Variants in MAPK6 observed in about 807,000 individuals in gnomAD.
MAPK6 encodes the protein mitogen-activated protein kinase 6, also known as ERK-3.
In MAPK6, 19 loss-of-function variants were observed where a neutral mutation model predicts 59.3. That is an observed-to-expected ratio of 0.32 (90% CI 0.22 to 0.47). The LOEUF (loss-of-function observed/expected upper bound fraction) is 0.47, where lower values mean the gene tolerates loss of function less well. Ranked by LOEUF, MAPK6 falls within the 20% of genes least tolerant of loss-of-function variation. MAPK6 has a pLI of 1.00. For synonymous variants in MAPK6, 316 were observed against 290.3 expected (o/e 1.09, Z -0.90); for missense variants, 724 against 847.9 (o/e 0.85, Z 1.81).
At chr15:51,991,787 G>A (rs1489671168) in intron 2 of MAPK6, among the ~76,000 whole-genome samples, 5 of 152,284 alleles carry the variant, frequency 3.3e-5, no homozygotes, top group East Asian at 1.9e-4. Context: ...TGGGAGGATG[G>A]GCCAGGTAGA....
At chr15:52,012,539 A>C (rs1217474188) in intron 3 of MAPK6, among the ~76,000 whole-genome samples, 1 of 152,204 alleles carries the variant, frequency 6.6e-6, no homozygotes, top group Non-Finnish European at 1.5e-5. Context: ...TTTCTGAACA[A>C]AGATATTGTA....
In MAPK6 at chr15:51,971,945, CTG is replaced by C. The variant is rs1595952492; in HGVS notation, c.-880+41_-880+42del. 10 of 599,608 alleles carry C rather than the reference CTG, an allele frequency of 1.7e-5. No individual in the cohort carries two copies. In the East Asian group the frequency reaches 2.6e-4, roughly 16 times the overall value. 37.1% of individuals were successfully genotyped at this position (599,608 alleles called of 1,614,324 possible). A position where few individuals can be genotyped will look rare whatever the true frequency, so the allele number is the denominator to read the frequency against. On this transcript the variant is annotated intron_variant, in intron 1 of 7. Transcript: ENST00000691380. ...ATAAGCCCGGCCATTTCGTCAATAT[CTG>C]TTATTTGCCAGGATTCTTACCAGGG...
chr15:51,984,516 G>C (rs2554340), intron 2 of MAPK6, among the ~76,000 whole-genome samples: 12,846 of 141,496 alleles, frequency 0.091, 1,629 homozygotes, highest in African/African-American at 0.28. Context: ...TGTTAGCCAG[G>C]ATGGTCTTGA....
Position 52,064,922 on chromosome 15 carries a change from A to ATTAACACCTTCTGCTATGAAAT in MAPK6, c.2089_2110dup (p.Ser704PhefsTer48), listed in dbSNP as rs2032353966. On this transcript the variant is annotated frameshift_variant, in exon 6 of 6. Coordinates refer to ENST00000261845, the MANE Select transcript of MAPK6 (RefSeq NM_002748.4). LOFTEE classifies it high-confidence loss of function. The stretch of plus-strand genomic sequence containing the variant: ...CACCACTTAAGTCAATACAGGCCAC[A>ATTAACACCTTCTGCTATGAAAT]TTAACACCTTCTGCTATGAAATCTT... The ATTAACACCTTCTGCTATGAAAT allele has an allele frequency of 6.2e-7, 1 of 1,611,812 alleles. No homozygotes were observed. Among genetic ancestry groups the ATTAACACCTTCTGCTATGAAAT allele is most frequent in the Non-Finnish European group, 8.5e-7 (1 of 1,179,800 alleles).
chr15:52,040,139 T>G (rs541270139), intron 1 of MAPK6, among the ~76,000 whole-genome samples: 17 of 152,348 alleles, frequency 1.1e-4, no homozygotes, highest in Admixed American at 5.2e-4. Context: ...CCCGAAAATC[T>G]TAGTAGCTTT....
At chr15:52,058,022 G>A (rs1222696152) in intron 3 of MAPK6, among the ~76,000 whole-genome samples, 1 of 152,194 alleles carries the variant, frequency 6.6e-6, no homozygotes, top group Non-Finnish European at 1.5e-5. Context: ...AGACATTAAA[G>A]GAAAGGCAAG....
At chr15:52,054,759 TAC>T (rs1337025819) in intron 3 of MAPK6, among the ~76,000 whole-genome samples, 1 of 149,772 alleles carries the variant, frequency 6.7e-6, no homozygotes, top group African/African-American at 2.5e-5. Flanking sequence ...CATATACACA[TAC>T]ATAGATACAC....
At chr15:52,059,763 T>G (rs561025834) in intron 4 of MAPK6, among the ~76,000 whole-genome samples, 3 of 152,204 alleles carry the variant, frequency 2.0e-5, no homozygotes, top group Non-Finnish European at 4.4e-5. Flanking sequence ...GGTGGTCACA[T>G]GTGGCAGCAC....
chr15:51,985,599 G>A (rs2057188423), intron 2 of MAPK6, among the ~76,000 whole-genome samples: 2 of 151,966 alleles, frequency 1.3e-5, no homozygotes, highest in East Asian at 1.9e-4. Context: ...AGGTTGCAGT[G>A]AGCTGAGATT....
rs182123684 is a variant in MAPK6 at position 52,019,364 on chromosome 15, T to A, written c.-644T>A. Reference sequence around the variant, plus strand: ...GCGAGCCCCGCACTCTCTCGATGAGTCGGAGAAGTCCCGTGAGTGTGTGTG... The same window carrying A: ...GCGAGCCCCGCACTCTCTCGATGAGACGGAGAAGTCCCGTGAGTGTGTGTG... On this transcript the variant is annotated 5_prime_UTR_variant, in exon 1 of 6. Coordinates refer to ENST00000261845, the MANE Select transcript of MAPK6 (RefSeq NM_002748.4). The A allele has an allele frequency of 8.8e-3, 1,341 of 151,940 alleles. 24 individuals carry two copies. The highest frequency in any genetic ancestry group is 8.6e-3 in the Non-Finnish European group (586 of 67,746). 9.4% of individuals were successfully genotyped at this position (151,940 alleles called of 1,614,324 possible). A position where few individuals can be genotyped will look rare whatever the true frequency, so the allele number is the denominator to read the frequency against.
chr15:51,977,404 C>G (rs892409049), intron 1 of MAPK6, among the ~76,000 whole-genome samples: 3 of 151,842 alleles, frequency 2.0e-5, no homozygotes, highest in African/African-American at 7.2e-5. Context: ...TGCAACTACC[C>G]TGAGGCTCCA....
At position 52,067,300 on chromosome 15, in the gene MAPK6, T is replaced by C. The variant is rs1224583478; in HGVS notation, c.*2300T>C. 6.6e-6 allele frequency: 1 copy of C among 152,204 alleles called. No individual in the cohort carries two copies. The highest frequency in any genetic ancestry group is 1.9e-4 in the East Asian group (1 of 5,194). The allele number at this position is 152,204 out of a possible 1,614,324, so 9.4% of individuals were successfully genotyped here. ...AAACTGAAACCCCTTATATAAAATA[T>C]GCTTGCTTTAGGGTGACCCAGGCTG... is the stretch of plus-strand genomic sequence containing the variant. On this transcript the variant is annotated 3_prime_UTR_variant, in exon 6 of 6. Transcript: ENST00000261845.
Position 52,064,843 on chromosome 15 carries a change from T to G in MAPK6, c.2009T>G (p.Phe670Cys). 6.2e-7 allele frequency: 1 copy of G among 1,611,966 alleles called. No individual in the cohort carries two copies. Among genetic ancestry groups the G allele is most frequent in the Non-Finnish European group, 8.5e-7 (1 of 1,179,830 alleles). ...CTGAACAACAGTGGGGAGTTCCTCT[T>G]TAACAAGCAGCTCGAGTCCATAGGC... Reference protein sequence around the residue: ...GFLNNSGEFLFNKQLESIGIP... With the variant: ...GFLNNSGEFLCNKQLESIGIP... The change falls in exon 6 of 6, where the codon TTT becomes TGT. Residue 670 changes from phenylalanine to cysteine, a missense_variant. Phe to Cys is a radical substitution (Grantham distance 205, BLOSUM62 -2). This residue lies in a region of MAPK6 where 502 missense variants were observed against 507.6 expected (regional missense o/e 0.99). Transcript: ENST00000261845.
In MAPK6 at chr15:52,061,352, G is replaced by T; in HGVS notation, c.919G>T (p.Ala307Ser). 6.2e-7 allele frequency: 1 copy of T among 1,614,116 alleles called. No individual in the cohort carries two copies. Among genetic ancestry groups the T allele is most frequent in the East Asian group, 2.2e-5 (1 of 44,876 alleles). ...ATTTAGCCCCATGGATCGGTTAACA[G>T]CAGAAGAAGCACTCTCCCATCCTTA... ...LTFSPMDRLT[A>S]EEALSHPYMS... The change falls in exon 5 of 6, where the codon GCA becomes TCA. Residue 307 changes from alanine (A) to serine (S), a missense_variant. Physicochemically the swap from Ala to Ser is moderately conservative, Grantham distance 99. This residue lies in a region of MAPK6 where 502 missense variants were observed against 507.6 expected (regional missense o/e 0.99). Transcript: ENST00000261845.
At chr15:52,048,544 G>A (rs2031668824) in intron 2 of MAPK6, among the ~76,000 whole-genome samples, 1 of 152,156 alleles carries the variant, frequency 6.6e-6, no homozygotes, top group African/African-American at 2.4e-5. Context: ...GGAGGTGGAG[G>A]TTGCAAAGAG....
intron 1 of MAPK6, among the ~76,000 whole-genome samples, chr15:52,029,063 G>A (rs900106128): frequency 3.9e-5 from 6 of 152,160 alleles, no homozygotes; most frequent in African/African-American, 7.2e-5. Flanking sequence ...TTTCTGAGAC[G>A]GAGTCTCGCT....
At chr15:51,974,067 ATTTC>A (rs2057149833) in intron 1 of MAPK6, among the ~76,000 whole-genome samples, 1 of 152,012 alleles carries the variant, frequency 6.6e-6, no homozygotes, top group East Asian at 1.9e-4. Context: ...ATTTTGCAGT[ATTTC>A]TTACCTGAGG....
intron 1 of MAPK6, chr15:52,027,559 A>G (rs1002628155): frequency 2.0e-5 from 3 of 147,286 alleles, no homozygotes; most frequent in East Asian, 2.0e-4. Flanking sequence ...GTTGTATCCC[A>G]TGTAGATTGT....
At chr15:52,061,568 T>C (rs1230075539) in intron 5 of MAPK6, 68 bp downstream of exon 5, 23 of 1,199,790 alleles carry the variant, frequency 1.9e-5, no homozygotes, top group Non-Finnish European at 2.7e-5. Context: ...TAGTGAGTTT[T>C]TTTAAAATTA....
Sources: allele counts gnomAD v4.1 joint callset (sites outside exome capture counted in the v4.1 genomes callset), GRCh38; gene constraint gnomAD v4.1.1; regional missense constraint gnomAD v4.1.1; transcripts MANE v1.5; gene names NCBI Gene and HGNC (gene_info 2026-07-23, HGNC 2026-07-21).